MAST4: variants seen among roughly 807,000 people sequenced by gnomAD.
The protein encoded by MAST4 is microtubule-associated serine/threonine-protein kinase 4.
A neutral mutation model predicts 162.7 loss-of-function variants in MAST4; 89 were observed. The ratio of observed to expected loss-of-function variants is 0.55; its 90% CI spans 0.46 to 0.65. The LOEUF (loss-of-function observed/expected upper bound fraction) is 0.65. Among genes scored for constraint, MAST4 ranks in the 30% least tolerant of loss-of-function variants. The pLI, the probability that MAST4 is intolerant of heterozygous loss-of-function variation, is 0.00. For synonymous variants in MAST4, 1,479 were observed against 1,361.1 expected, an observed-to-expected ratio of 1.09 and a Z score of -1.91; for missense variants, 3,153 against 3,374.0, an observed-to-expected ratio of 0.93 and a Z score of 1.62.
At chr5:66,949,073 C>T (rs1744370015) in intron 4 of MAST4, among the ~76,000 whole-genome samples, 1 of 151,962 alleles carries the variant, frequency 6.6e-6, no homozygotes, top group Admixed American at 6.6e-5. Flanking sequence ...AACAAATAGA[C>T]AAAAATATTA....
intron 1 of MAST4, among the ~76,000 whole-genome samples, chr5:66,684,359 T>C (rs77840472): frequency 6.6e-4 from 29 of 44,246 alleles, no homozygotes; most frequent in Non-Finnish European, 1.1e-3. Flanking sequence ...TTCCAGCTAT[T>C]TTTTTTTCTC....
Position 66,777,960 on chromosome 5 carries a change from A to G in MAST4, c.518-10710A>G, listed in dbSNP as rs1010448743. On this transcript the variant is annotated intron_variant, in intron 2 of 28. Transcript: ENST00000403625. ...CATTCATCAATATCTGTCATTTCCC[A>G]GGGGGGTTAGACATGTCTAGCAATT... Among the ~76,000 whole-genome samples, 35 of 152,176 alleles carry G rather than the reference A, an allele frequency of 2.3e-4. 1 individual carries two copies. The highest frequency in any genetic ancestry group is 4.4e-5 in the Non-Finnish European group (3 of 68,026).
At chr5:66,980,201 C>G (rs1031159679) in intron 4 of MAST4, among the ~76,000 whole-genome samples, 1 of 152,160 alleles carries the variant, frequency 6.6e-6, no homozygotes, top group Non-Finnish European at 1.5e-5. Flanking sequence ...ATAAGTCCCC[C>G]AGGGGTCAAG....
intron 1 of MAST4, among the ~76,000 whole-genome samples, chr5:66,684,381 A>G (rs1380604006): frequency 1.3e-5 from 2 of 150,294 alleles, no homozygotes; most frequent in Non-Finnish European, 3.0e-5. Context: ...TTTCTTTTTT[A>G]TGTTCTATTC....
intron 3 of MAST4, among the ~76,000 whole-genome samples, chr5:66,806,634 A>G (rs190809453): frequency 6.6e-6 from 1 of 152,358 alleles, no homozygotes; most frequent in African/African-American, 2.4e-5. Flanking sequence ...TCTTTATTGA[A>G]TATTTTCTAT....
chr5:66,745,396 CCT>C (rs1358886166), intron 1 of MAST4, among the ~76,000 whole-genome samples: 3 of 152,100 alleles, frequency 2.0e-5, no homozygotes, highest in African/African-American at 7.2e-5. Context: ...TTCTCTCTTA[CCT>C]CTTAGAACGT....
intron 4 of MAST4, among the ~76,000 whole-genome samples, chr5:66,932,055 C>G (rs1209022342): frequency 6.6e-6 from 1 of 152,184 alleles, no homozygotes; most frequent in Non-Finnish European, 1.5e-5. Flanking sequence ...ACGATCCCTT[C>G]TGAATTGCTC....
At chr5:67,045,843 T>C (rs923014322) in intron 4 of MAST4, among the ~76,000 whole-genome samples, 1 of 152,220 alleles carries the variant, frequency 6.6e-6, no homozygotes, top group African/African-American at 2.4e-5. Flanking sequence ...TACATTGTTA[T>C]TTCTGTCATA....
Position 67,164,991 on chromosome 5 carries a change from C to T in MAST4, c.5812C>T (p.Leu1938=). The T allele has an allele frequency of 1.2e-6, 2 of 1,613,860 alleles. No homozygotes were observed. Among genetic ancestry groups the T allele is most frequent in the East Asian group, 2.2e-5 (1 of 44,862 alleles). ...HQDHTTDPKL[L]TCLGQNLHSP... is the part of the protein sequence containing the mutation. ...AGACCACACCACTGACCCCAAGCTT[C>T]TGACCTGCCTGGGGCAGAACCTCCA... The change falls in exon 29 of 29, where the codon CTG becomes TTG. Residue 1938 remains leucine, a synonymous_variant. Transcript: ENST00000403625. This position sits in a 1 kb window ranked among gnomAD's most constrained non-coding sequence, Gnocchi z 5.3.
intron 5 of MAST4, among the ~76,000 whole-genome samples, chr5:67,057,605 AGAAG>A: frequency 6.9e-6 from 1 of 145,668 alleles, no homozygotes; most frequent in East Asian, 2.0e-4. Context: ...AAAAAAAAAA[AGAAG>A]GAAAGAAAAG....
At chr5:66,736,143 A>G (rs1043398948) in intron 1 of MAST4, among the ~76,000 whole-genome samples, 1 of 152,172 alleles carries the variant, frequency 6.6e-6, no homozygotes, top group Non-Finnish European at 1.5e-5. Flanking sequence ...CTTGCATACC[A>G]TTGATCCTTC....
At chr5:67,133,727 C>T in intron 17 of MAST4, 81 bp downstream of exon 17, 1 of 1,459,226 alleles carries the variant, frequency 6.9e-7, no homozygotes. Context: ...CTTGTGTGGG[C>T]CATCTTCACA....
chr5:67,017,686 C>T (rs1045967070), intron 4 of MAST4, among the ~76,000 whole-genome samples: 4 of 151,362 alleles, frequency 2.6e-5, no homozygotes, highest in African/African-American at 9.7e-5. Context: ...TCAGTGCAAC[C>T]TCTGCCTCCC....
At chr5:67,106,393 C>T (rs1765594776) in intron 10 of MAST4, among the ~76,000 whole-genome samples, 1 of 152,172 alleles carries the variant, frequency 6.6e-6, no homozygotes, top group Non-Finnish European at 1.5e-5. Flanking sequence ...ATGCTTCTCC[C>T]ACATTCTTTT....
chr5:66,819,006 T>C (rs772744485), intron 3 of MAST4, among the ~76,000 whole-genome samples: 1 of 152,212 alleles, frequency 6.6e-6, no homozygotes, highest in Non-Finnish European at 1.5e-5. Context: ...TAAGGGATGC[T>C]AGAAGACGGA....
intron 1 of MAST4, among the ~76,000 whole-genome samples, chr5:66,634,124 A>G (rs935691675): frequency 6.6e-5 from 10 of 152,118 alleles, no homozygotes; most frequent in Admixed American, 3.9e-4. Flanking sequence ...CAGTGGTGCA[A>G]TCTTGGCTCA....
At chr5:66,850,083 C>T (rs1759192925) in intron 3 of MAST4, among the ~76,000 whole-genome samples, 1 of 152,110 alleles carries the variant, frequency 6.6e-6, no homozygotes, top group Non-Finnish European at 1.5e-5. Context: ...AAAGAATTTG[C>T]CTGATTTGCC....
At chr5:67,100,891 ATGT>A (rs999413816) in intron 8 of MAST4, among the ~76,000 whole-genome samples, 2 of 152,210 alleles carry the variant, frequency 1.3e-5, no homozygotes, top group African/African-American at 4.8e-5. Flanking sequence ...AAAGCAGTTA[ATGT>A]TGTTATGTTA....
chr5:66,750,952 A>G (rs1482816113), intron 1 of MAST4, among the ~76,000 whole-genome samples: 4 of 152,232 alleles, frequency 2.6e-5, no homozygotes, highest in African/African-American at 4.8e-5. Context: ...GAGATCTGAG[A>G]ACAGGCAGAC....
Sources: allele counts gnomAD v4.1 joint callset (sites outside exome capture counted in the v4.1 genomes callset), GRCh38; gene constraint gnomAD v4.1.1; non-coding constraint Gnocchi (gnomAD v3.1); transcripts MANE v1.5; gene names NCBI Gene and HGNC (gene_info 2026-07-23, HGNC 2026-07-21).